The following PCDH15 variants were observed in gnomAD, a reference collection of about 807,000 sequenced individuals.
PCDH15 encodes protocadherin related 15.
PCDH15 carries 129 observed loss-of-function variants against 178.5 expected under a neutral mutation model. The ratio of observed to expected loss-of-function variants is 0.72; its 90% CI spans 0.63 to 0.84. The LOEUF (loss-of-function observed/expected upper bound fraction) is 0.84, where lower values mean the gene tolerates loss of function less well. Among genes scored for constraint, PCDH15 ranks in the 40% least tolerant of loss-of-function variants. The pLI, the probability that PCDH15 is intolerant of heterozygous loss-of-function variation, is 0.00. For synonymous variants in PCDH15, 800 were observed against 732.0 expected (o/e 1.09, Z -1.50); for missense variants, 2,230 against 2,099.9 (o/e 1.06, Z -1.21).
At chr10:55,068,900 G>C (rs1281451488) in intron 2 of PCDH15, among the ~76,000 whole-genome samples, 1 of 151,198 alleles carries the variant, frequency 6.6e-6, no homozygotes, top group Non-Finnish European at 1.5e-5. Flanking sequence ...CTCCTTTTTT[G>C]GTTATTATTA....
chr10:53,990,579 TTATATA>T (rs112868599), intron 21 of PCDH15, among the ~76,000 whole-genome samples: 1 of 149,458 alleles, frequency 6.7e-6, no homozygotes, highest in South Asian at 2.1e-4. Context: ...TCTCACAATG[TTATATA>T]TATATGTTAT....
intron 15 of PCDH15, among the ~76,000 whole-genome samples, chr10:54,105,154 C>A (rs1362531637): frequency 6.6e-6 from 1 of 150,974 alleles, no homozygotes; most frequent in Non-Finnish European, 1.5e-5. Context: ...AATGAAAGAA[C>A]TCCATCCTTA....
chr10:54,310,153 G>A (rs1210434228), intron 8 of PCDH15, among the ~76,000 whole-genome samples: 4 of 152,054 alleles, frequency 2.6e-5, no homozygotes, highest in Non-Finnish European at 5.9e-5. Flanking sequence ...GAAGAGATGA[G>A]ACTGGAAAGT....
At chr10:55,436,751 A>G (rs1347501157) in intron 2 of PCDH15, among the ~76,000 whole-genome samples, 3 of 152,226 alleles carry the variant, frequency 2.0e-5, no homozygotes, top group Non-Finnish European at 4.4e-5. Context: ...AGTGCAATGT[A>G]TTTAAAAACT....
At chr10:54,775,153 A>G (rs1216381926) in intron 1 of PCDH15, among the ~76,000 whole-genome samples, 1 of 152,224 alleles carries the variant, frequency 6.6e-6, no homozygotes, top group Non-Finnish European at 1.5e-5. Context: ...CAAAGGAGAG[A>G]ATGCCTCAAA....
chr10:54,144,298 T>C (rs917134057), intron 14 of PCDH15, among the ~76,000 whole-genome samples: 3 of 152,118 alleles, frequency 2.0e-5, no homozygotes, highest in Non-Finnish European at 2.9e-5. Flanking sequence ...AACAGTCCCA[T>C]AGATCACTTT....
chr10:55,226,628 C>T (rs1228833572), intron 1 of PCDH15, among the ~76,000 whole-genome samples: 2 of 152,032 alleles, frequency 1.3e-5, no homozygotes, highest in South Asian at 2.1e-4. Context: ...GTGATCCGCC[C>T]GCCTCGGCCT....
chr10:54,999,264 G>T (rs1564702570), intron 2 of PCDH15, among the ~76,000 whole-genome samples: 1 of 151,612 alleles, frequency 6.6e-6, no homozygotes, highest in East Asian at 2.0e-4. Context: ...ATGACCTAGA[G>T]AGCTTCAAGA....
rs527563242 is a variant in PCDH15 at position 54,519,509 on chromosome 10, C to T, written c.157+8303G>A. Among the ~76,000 whole-genome samples, 139 of 152,040 alleles carry T rather than the reference C, an allele frequency of 9.1e-4. 2 individuals are homozygous for T. Among genetic ancestry groups the T allele is most frequent in the East Asian group, 9.1e-3 (47 of 5,170 alleles). ...ACCTAGAAATCTGACTTACAAGGGACGTGAAGGACCTCTTCAAGGAGAACT... is the reference window on the plus strand; with the variant it reads ...ACCTAGAAATCTGACTTACAAGGGATGTGAAGGACCTCTTCAAGGAGAACT... On this transcript the variant is annotated intron_variant, in intron 3 of 37. Coordinates refer to ENST00000644397, the MANE Select transcript of PCDH15 (RefSeq NM_001384140.1).
chr10:55,327,030 G>GT (rs917458445), intron 2 of PCDH15, among the ~76,000 whole-genome samples: 1 of 152,188 alleles, frequency 6.6e-6, no homozygotes, highest in African/African-American at 2.4e-5. Context: ...TGGAATGACT[G>GT]TTTATGTCCA....
chr10:55,529,542 C>G (rs1841395046), intron 2 of PCDH15, among the ~76,000 whole-genome samples: 1 of 151,412 alleles, frequency 6.6e-6, no homozygotes, highest in African/African-American at 2.4e-5. Context: ...TATTAAATTA[C>G]AGTTTATTTA....
At chr10:54,579,147 T>C (rs921216198) in intron 2 of PCDH15, among the ~76,000 whole-genome samples, 6 of 152,016 alleles carry the variant, frequency 3.9e-5, no homozygotes, top group Admixed American at 3.3e-4. Flanking sequence ...CACATATAAA[T>C]ATTAACCTTG....
chr10:54,285,729 A>G (rs2058990615), intron 8 of PCDH15, among the ~76,000 whole-genome samples: 1 of 152,200 alleles, frequency 6.6e-6, no homozygotes, highest in Admixed American at 6.5e-5. Context: ...TACACATCCA[A>G]AGGAAATGAA....
intron 2 of PCDH15, among the ~76,000 whole-genome samples, chr10:54,940,797 A>AT (rs954475302): frequency 2.0e-4 from 24 of 120,134 alleles, no homozygotes; most frequent in African/African-American, 6.3e-4. Flanking sequence ...ATCTGCGGTA[A>AT]TTAAAAAAAA....
intron 2 of PCDH15, among the ~76,000 whole-genome samples, chr10:54,999,319 G>A (rs1487308648): frequency 5.9e-5 from 9 of 151,628 alleles, no homozygotes; most frequent in Non-Finnish European, 1.0e-4. Flanking sequence ...TTTTTTTTAA[G>A]TTCTGAACAG....
chr10:55,351,616 T>C (rs1393718179), intron 2 of PCDH15, among the ~76,000 whole-genome samples: 1 of 152,168 alleles, frequency 6.6e-6, no homozygotes, highest in Non-Finnish European at 1.5e-5. Context: ...TTATTGTCAT[T>C]GTTTGCTTTC....
At chr10:55,395,684 G>A (rs969470407) in intron 2 of PCDH15, among the ~76,000 whole-genome samples, 2 of 151,862 alleles carry the variant, frequency 1.3e-5, no homozygotes, top group African/African-American at 2.4e-5. Context: ...AAATTTTTTA[G>A]TTTAAAATTA....
chr10:53,905,052 C>A, intron 25 of PCDH15: 1 of 415,942 alleles, frequency 2.4e-6, no homozygotes. Flanking sequence ...ACCTCCCAAC[C>A]CTAACTTCAT....
chr10:53,995,473 T>A lies in PCDH15; in HGVS notation c.2868+176A>T, dbSNP rs896112927. Reference sequence around the variant, plus strand: ...ATTCTTTGTCTAGGTTCAATAATAGTCATCTGAAATATGCTCTGTACCTGT... The same window carrying A: ...ATTCTTTGTCTAGGTTCAATAATAGACATCTGAAATATGCTCTGTACCTGT... On this transcript the variant is annotated intron_variant, in intron 21 of 37. Coordinates refer to ENST00000644397, the MANE Select transcript of PCDH15 (RefSeq NM_001384140.1). 3 of 1,127,290 alleles carry A rather than the reference T, an allele frequency of 2.7e-6. No homozygotes were observed. The African/African-American group carries it at 4.7e-5, about 17-fold the overall frequency. 69.8% of individuals were successfully genotyped at this position (1,127,290 alleles called of 1,614,324 possible).
Sources: allele counts gnomAD v4.1 joint callset (sites outside exome capture counted in the v4.1 genomes callset), GRCh38; gene constraint gnomAD v4.1.1; transcripts MANE v1.5; gene names NCBI Gene and HGNC (gene_info 2026-07-23, HGNC 2026-07-21).